The following L3MBTL4 variants were observed in gnomAD, a reference collection of about 807,000 sequenced individuals.
L3MBTL4 encodes the protein lethal(3)malignant brain tumor-like protein 4.
In L3MBTL4, 70 loss-of-function variants were observed where a neutral mutation model predicts 84.5. That is an observed-to-expected ratio of 0.83 (90% CI 0.68 to 1.01). L3MBTL4 has a LOEUF of 1.01. L3MBTL4 is among the 50% of genes least tolerant of loss of function. The pLI is 0.00. For synonymous variants in L3MBTL4, 274 were observed against 259.8 expected (o/e 1.05, Z -0.52); for missense variants, 715 against 754.8 (o/e 0.95, Z 0.62).
chr18:6,408,705 C>T (rs189930773), intron 1 of L3MBTL4, among the ~76,000 whole-genome samples: 12 of 150,038 alleles, frequency 8.0e-5, no homozygotes, highest in East Asian at 5.8e-4. Context: ...TTTTTGAGAC[C>T]GAGTCTCGCT....
At chr18:6,293,338 G>A (rs1023772709) in intron 4 of L3MBTL4, among the ~76,000 whole-genome samples, 1 of 152,048 alleles carries the variant, frequency 6.6e-6, no homozygotes, top group Admixed American at 6.6e-5. Flanking sequence ...TTCAAGATAA[G>A]CCTAAAACAT....
At chr18:6,388,070 T>A (rs180970932) in intron 1 of L3MBTL4, among the ~76,000 whole-genome samples, 1 of 152,232 alleles carries the variant, frequency 6.6e-6, no homozygotes, top group African/African-American at 2.4e-5. Flanking sequence ...TATGATACCC[T>A]TTTATACCCA....
intron 16 of L3MBTL4, among the ~76,000 whole-genome samples, chr18:5,983,952 C>A (rs892468651): frequency 2.6e-5 from 4 of 152,166 alleles, no homozygotes; most frequent in African/African-American, 9.7e-5. Context: ...TCCTCTAACA[C>A]CCAGGCTGGA....
chr18:6,117,646 C>T (rs71360018), intron 14 of L3MBTL4, among the ~76,000 whole-genome samples: 1,656 of 152,260 alleles, frequency 0.011, 23 homozygotes, highest in Non-Finnish European at 0.018. Context: ...AACCTGTTTC[C>T]TCATCTAAAA....
At chr18:6,399,760 A>C (rs933657513) in intron 1 of L3MBTL4, 1 of 152,238 alleles carries the variant, frequency 6.6e-6, no homozygotes. Context: ...CATGGTCTCT[A>C]TATGATATAA....
chr18:6,050,424 G>A (rs930400052), intron 16 of L3MBTL4, among the ~76,000 whole-genome samples: 1 of 152,112 alleles, frequency 6.6e-6, no homozygotes, highest in Non-Finnish European at 1.5e-5. Context: ...TAACCTTGTA[G>A]ACTTTATAAT....
chr18:6,055,074 T>C (rs1266617180), intron 16 of L3MBTL4, among the ~76,000 whole-genome samples: 1 of 152,236 alleles, frequency 6.6e-6, no homozygotes, highest in Non-Finnish European at 1.5e-5. Context: ...CGCTGTCCAT[T>C]TGGAGAAGCA....
rs1319127454 is a variant in L3MBTL4 at position 6,208,113 on chromosome 18, T to TAAAAAATA, written c.981+5028_981+5035dup. Among the ~76,000 whole-genome samples, 3 of 131,726 alleles carry TAAAAAATA rather than the reference T, an allele frequency of 2.3e-5. No individual in the cohort carries two copies. The East Asian group carries it at 6.6e-4, about 29-fold the overall frequency. 86.4% of individuals were successfully genotyped at this position (131,726 alleles called of 152,430 possible). A position where few individuals can be genotyped will look rare whatever the true frequency, so the allele number is the denominator to read the frequency against. ...CTAGGCGACAAAACAAGACCCTGTC[T>TAAAAAATA]AAAAAATAAATAAATAAATAAATAA... On this transcript the variant is annotated intron_variant, in intron 12 of 18. Coordinates refer to ENST00000317931, the MANE Select transcript of L3MBTL4 (RefSeq NM_001330559.2).
chr18:6,148,971 A>G (rs2042769915), intron 13 of L3MBTL4, among the ~76,000 whole-genome samples: 1 of 152,100 alleles, frequency 6.6e-6, no homozygotes. Flanking sequence ...ATTAAAATAT[A>G]TTTATCTTTT....
intron 14 of L3MBTL4, among the ~76,000 whole-genome samples, chr18:6,123,038 C>T (rs544720738): frequency 6.6e-6 from 1 of 152,008 alleles, no homozygotes; most frequent in Admixed American, 6.5e-5. Flanking sequence ...TTCTTTTTTC[C>T]TGTGCCTAGT....
intron 4 of L3MBTL4, among the ~76,000 whole-genome samples, chr18:6,267,362 G>A (rs1042907020): frequency 6.6e-6 from 1 of 152,182 alleles, no homozygotes; most frequent in African/African-American, 2.4e-5. Flanking sequence ...GAGACGTCAT[G>A]GTGTGATTTC....
intron 16 of L3MBTL4, among the ~76,000 whole-genome samples, chr18:5,980,431 T>C (rs2053159638): frequency 3.4e-5 from 1 of 29,718 alleles, no homozygotes; most frequent in Non-Finnish European, 5.5e-5. Context: ...TAGTTTGCGC[T>C]TTTTTTTTTT....
intron 5 of L3MBTL4, among the ~76,000 whole-genome samples, chr18:6,263,628 G>A (rs993864672): frequency 2.6e-5 from 4 of 152,148 alleles, no homozygotes; most frequent in African/African-American, 9.7e-5. Flanking sequence ...TATGCACATT[G>A]CATCCTATAT....
chr18:6,360,364 C>T (rs2053631875), intron 1 of L3MBTL4, among the ~76,000 whole-genome samples: 1 of 152,158 alleles, frequency 6.6e-6, no homozygotes, highest in Non-Finnish European at 1.5e-5. Flanking sequence ...GAGTAAGACC[C>T]TGTCTCAAAA....
intron 13 of L3MBTL4, among the ~76,000 whole-genome samples, chr18:6,165,648 C>T (rs1456398655): frequency 6.6e-6 from 1 of 152,000 alleles, no homozygotes; most frequent in African/African-American, 2.4e-5. Flanking sequence ...TTTGTCACCA[C>T]CAGGCCTGCC....
Position 6,370,968 on chromosome 18 carries a change from T to A in L3MBTL4, c.-91+43833A>T, listed in dbSNP as rs1186265459. Among the ~76,000 whole-genome samples, 81 of 152,202 alleles carry A rather than the reference T, an allele frequency of 5.3e-4. 2 individuals carry two copies. Among genetic ancestry groups the A allele is most frequent in the Admixed American group, 5.3e-3 (81 of 15,280 alleles). On this transcript the variant is annotated intron_variant, in intron 1 of 18. Transcript: ENST00000317931. ...TCTGTGCACAGAGCATTGTGGGGAATGCACAGGAGCAAGTCTTAGTCGCGC... is the reference window on the plus strand; with the variant it reads ...TCTGTGCACAGAGCATTGTGGGGAAAGCACAGGAGCAAGTCTTAGTCGCGC...
chr18:6,318,897 A>G (rs775355121), intron 1 of L3MBTL4, among the ~76,000 whole-genome samples: 1 of 152,132 alleles, frequency 6.6e-6, no homozygotes, highest in Non-Finnish European at 1.5e-5. Context: ...ACAAGTCTTG[A>G]TACATTTTAA....
intron 4 of L3MBTL4, among the ~76,000 whole-genome samples, chr18:6,275,254 G>T (rs2049033156): frequency 6.6e-6 from 1 of 152,160 alleles, no homozygotes; most frequent in Non-Finnish European, 1.5e-5. Flanking sequence ...ATAAAGGATA[G>T]TGAGAAGGGG....
At chr18:6,053,541 T>C (rs1244612736) in intron 16 of L3MBTL4, among the ~76,000 whole-genome samples, 1 of 152,230 alleles carries the variant, frequency 6.6e-6, no homozygotes, top group African/African-American at 2.4e-5. Context: ...AGATTACTTC[T>C]GTGAGGATGC....
Sources: allele counts gnomAD v4.1 joint callset (sites outside exome capture counted in the v4.1 genomes callset), GRCh38; gene constraint gnomAD v4.1.1; transcripts MANE v1.5; gene names NCBI Gene and HGNC (gene_info 2026-07-23, HGNC 2026-07-21).